ARL8B: variants seen among roughly 807,000 people sequenced by gnomAD.
The protein encoded by ARL8B is ADP-ribosylation factor-like protein 8B.
Under a neutral mutation model 30.6 loss-of-function variants are expected in ARL8B, and 9 were observed. The ratio of observed to expected loss-of-function variants is 0.29; its 90% CI spans 0.18 to 0.51. The LOEUF is 0.51. ARL8B is among the 20% of genes least tolerant of loss of function. ARL8B has a pLI of 0.97. For missense variants in ARL8B, 130 were observed against 227.2 expected, an observed-to-expected ratio of 0.57 and a Z score of 2.75; for synonymous variants, 74 against 76.0, an observed-to-expected ratio of 0.97 and a Z score of 0.14.
chr3:5,163,611 G>A (rs985352745), intron 1 of ARL8B, among the ~76,000 whole-genome samples: 2 of 152,214 alleles, frequency 1.3e-5, no homozygotes, highest in East Asian at 1.9e-4. Context: ...GCTCATGCCT[G>A]TAACCCCAGC....
chr3:5,155,759 C>G (rs1370207139), intron 1 of ARL8B, among the ~76,000 whole-genome samples: 3 of 139,192 alleles, frequency 2.2e-5, no homozygotes, highest in Admixed American at 1.5e-4. Flanking sequence ...TGAACACTTT[C>G]TTTTTGGCAT....
chr3:5,156,468 G>A (rs914760362), intron 1 of ARL8B, among the ~76,000 whole-genome samples: 1 of 151,714 alleles, frequency 6.6e-6, no homozygotes, highest in African/African-American at 2.4e-5. Context: ...CCAGGTTGGA[G>A]TGCAGTGGCA....
At chr3:5,128,675 T>G in intron 1 of ARL8B, 1 of 220,482 alleles carries the variant, frequency 4.5e-6, no homozygotes, top group Non-Finnish European at 9.1e-6. Flanking sequence ...TTTTCTGAAA[T>G]TTTTTTTGTG....
Position 5,180,658 on chromosome 3 carries a change from T to C in ARL8B, c.*1945T>C, listed in dbSNP as rs2054770473. On this transcript the variant is annotated 3_prime_UTR_variant, in exon 7 of 7. Transcript: ENST00000256496. ...TTTAACAGTTACTGAACTATGTAAA[T>C]ATGTGAATTTTTTTATTTAGGTGGA... 1 of 152,684 alleles carries C rather than the reference T, an allele frequency of 6.5e-6. No homozygotes were observed. Among genetic ancestry groups the C allele is most frequent in the African/African-American group, 2.4e-5 (1 of 41,474 alleles). The allele number at this position is 152,684 out of a possible 1,614,324, so 9.5% of individuals were successfully genotyped here.
intron 1 of ARL8B, among the ~76,000 whole-genome samples, chr3:5,148,992 G>C (rs534097140): frequency 6.6e-6 from 1 of 152,250 alleles, no homozygotes; most frequent in East Asian, 1.9e-4. Flanking sequence ...TACTCGACCC[G>C]CGCTACTAGA....
Position 5,172,749 on chromosome 3 carries a change from G to T in ARL8B, c.372+9G>T. The T allele has an allele frequency of 6.8e-7, 1 of 1,468,540 alleles. No homozygotes were observed. The highest frequency in any genetic ancestry group is 9.5e-7 in the Non-Finnish European group (1 of 1,054,608). The allele number at this position is 1,468,540 out of a possible 1,614,324, so 91.0% of individuals were successfully genotyped here. On this transcript the variant is annotated intron_variant, in intron 4 of 6. Coordinates refer to ENST00000256496, the MANE Select transcript of ARL8B (RefSeq NM_018184.3). Reference sequence around the variant, plus strand: ...AGTTACAAGGAATTCCAGTAAGTATGGAATACTTGTTATTTTACATTGTAA... The same window carrying T: ...AGTTACAAGGAATTCCAGTAAGTATTGAATACTTGTTATTTTACATTGTAA...
At chr3:5,173,889 C>A in intron 4 of ARL8B, 128 bp from the exon 5 acceptor site, 1 of 754,552 alleles carries the variant, frequency 1.3e-6, no homozygotes, top group South Asian at 1.5e-5. Flanking sequence ...CCACCAGTTA[C>A]ACAAATAGGC....
In ARL8B at chr3:5,172,756, T is replaced by TTAC; in HGVS notation, c.372+17_372+18insACT. ...AGGAATTCCAGTAAGTATGGAATAC[T>TTAC]TGTTATTTTACATTGTAATTATATA... On this transcript the variant is annotated intron_variant, in intron 4 of 6. Transcript: ENST00000256496. The TTAC allele has an allele frequency of 7.1e-7, 1 of 1,414,766 alleles. No homozygotes were observed. The highest frequency in any genetic ancestry group is 9.9e-7 in the Non-Finnish European group (1 of 1,007,370). 87.6% of individuals were successfully genotyped at this position (1,414,766 alleles called of 1,614,324 possible). A position where few individuals can be genotyped will look rare whatever the true frequency, so the allele number is the denominator to read the frequency against.
chr3:5,127,915 C>T (rs532347348), intron 1 of ARL8B, among the ~76,000 whole-genome samples: 4 of 135,716 alleles, frequency 2.9e-5, no homozygotes, highest in African/African-American at 5.6e-5. Context: ...GAGGGCCAGG[C>T]GCAATGGCTT....
intron 5 of ARL8B, 114 bp from the exon 6 acceptor site, chr3:5,174,230 A>C (rs113954952): frequency 9.4e-7 from 1 of 1,068,964 alleles, no homozygotes; most frequent in Non-Finnish European, 1.4e-6. Flanking sequence ...ACATTTTAGG[A>C]TTGCTACGAT....
intron 1 of ARL8B, among the ~76,000 whole-genome samples, chr3:5,135,659 A>G (rs1559276662): frequency 6.6e-6 from 1 of 151,752 alleles, no homozygotes. Context: ...GAGTTTCACC[A>G]TATTGTCCAG....
intron 1 of ARL8B, among the ~76,000 whole-genome samples, chr3:5,130,169 C>T (rs1300828466): frequency 1.3e-5 from 2 of 150,288 alleles, no homozygotes; most frequent in Non-Finnish European, 2.9e-5. Context: ...TGACCAAGGT[C>T]ATATTCTCTT....
chr3:5,145,539 G>A (rs1016365405), intron 1 of ARL8B, among the ~76,000 whole-genome samples: 15 of 152,056 alleles, frequency 9.9e-5, no homozygotes, highest in African/African-American at 3.1e-4. Flanking sequence ...TCCCTCCCCA[G>A]GTTTGAGTGA....
intron 1 of ARL8B, among the ~76,000 whole-genome samples, chr3:5,168,012 A>C (rs1311290138): frequency 6.6e-6 from 1 of 152,238 alleles, no homozygotes; most frequent in Non-Finnish European, 1.5e-5. Context: ...CATCAAAGTT[A>C]AGCACTTTAT....
intron 1 of ARL8B, among the ~76,000 whole-genome samples, chr3:5,159,478 T>C (rs1312207237): frequency 6.6e-6 from 1 of 151,452 alleles, no homozygotes; most frequent in African/African-American, 2.4e-5. Context: ...GGTGCATGCC[T>C]GTAATTCCAG....
intron 1 of ARL8B, among the ~76,000 whole-genome samples, chr3:5,153,750 C>T (rs942779397): frequency 6.6e-6 from 1 of 152,090 alleles, no homozygotes; most frequent in African/African-American, 2.4e-5. Flanking sequence ...TTTGAAGTCC[C>T]ACCTTTCCCT....
intron 1 of ARL8B, among the ~76,000 whole-genome samples, chr3:5,155,909 GTTT>G (rs562855017): frequency 0.014 from 2,079 of 144,770 alleles, 46 homozygotes; most frequent in African/African-American, 0.052. Flanking sequence ...TGTGTGTGTT[GTTT>G]TTGTTTTTGA....
At chr3:5,126,830 T>A (rs2054233563) in intron 1 of ARL8B, among the ~76,000 whole-genome samples, 1 of 152,224 alleles carries the variant, frequency 6.6e-6, no homozygotes, top group Non-Finnish European at 1.5e-5. Context: ...GCACAATAAG[T>A]CATGTGCCTA....
chr3:5,170,884 C>G (rs1027743518), intron 2 of ARL8B: 2 of 217,472 alleles, frequency 9.2e-6, no homozygotes, highest in Non-Finnish European at 1.8e-5. Flanking sequence ...GCTTGTGCCA[C>G]CACACCCAGC....
Sources: gnomAD v4.1 joint callset for allele counts (sites outside exome capture counted in the v4.1 genomes callset) on GRCh38, gnomAD v4.1.1 for gene constraint, MANE v1.5 for transcripts, NCBI Gene and HGNC (gene_info 2026-07-23, HGNC 2026-07-21) for gene names.